The following EYS variants were observed in gnomAD, a reference collection of about 807,000 sequenced individuals.
EYS encodes the protein EGF-like photoreceptor maintenance factor.
EYS carries 250 observed loss-of-function variants against 282.1 expected under a neutral mutation model. The observed-to-expected ratio is 0.89, with a 90% CI of 0.80 to 0.98. The LOEUF (loss-of-function observed/expected upper bound fraction) is 0.98, where lower values mean the gene tolerates loss of function less well. EYS is among the 50% of genes least tolerant of loss of function. EYS has a pLI of 0.00. For missense variants in EYS, 4,016 were observed against 3,709.0 expected (o/e 1.08, Z -2.15); for synonymous variants, 1,355 against 1,282.9 (o/e 1.06, Z -1.20).
At chr6:64,778,811 T>A (rs1603248) in intron 22 of EYS, among the ~76,000 whole-genome samples, 73,172 of 151,524 alleles carry the variant, frequency 0.48, 19,493 homozygotes, top group Admixed American at 0.63. Flanking sequence ...TTAAAACCCA[T>A]CAACAACAAC....
intron 26 of EYS, among the ~76,000 whole-genome samples, chr6:64,519,887 A>C (rs1053543054): frequency 6.6e-6 from 1 of 151,842 alleles, no homozygotes; most frequent in East Asian, 1.9e-4. Flanking sequence ...AAGGGTGGAT[A>C]AATGTCTAAC....
chr6:64,811,422 A>T lies in EYS; in HGVS notation c.3443+1956T>A, dbSNP rs1227886445. ...CTGAATTCTACTGGCTTCATGCTGT[A>T]AAAAAAAAAAAAATCAGCCAAGCTA... On this transcript the variant is annotated intron_variant, in intron 22 of 42. Transcript: ENST00000503581. Among the ~76,000 whole-genome samples, 5 of 38,202 alleles carry T rather than the reference A, an allele frequency of 1.3e-4. No individual in the cohort carries two copies. In the Admixed American group the frequency reaches 2.3e-3, roughly 18 times the overall value. 25.1% of individuals were successfully genotyped at this position (38,202 alleles called of 152,430 possible).
chr6:64,050,331 GACTA>G (rs1178578128), intron 33 of EYS, among the ~76,000 whole-genome samples: 6 of 152,086 alleles, frequency 3.9e-5, no homozygotes, highest in Admixed American at 3.3e-4. Context: ...TTTTCAAAAT[GACTA>G]ACTATATACT....
rs184215686 is a variant in EYS, at chr6:64,586,113, G to A, written c.5644+4110C>T. On this transcript the variant is annotated intron_variant, in intron 26 of 42. Coordinates refer to ENST00000503581, the MANE Select transcript of EYS (RefSeq NM_001142800.2). ...TGCTGCAGTATTAAAAAGTAGGGTC[G>A]TTAGGAGGTGTTTAGACCATGAAGT... Among the ~76,000 whole-genome samples the A allele has an allele frequency of 2.3e-3, 351 of 152,122 alleles. 7 individuals carry two copies. Among genetic ancestry groups the A allele is most frequent in the Admixed American group, 0.019 (293 of 15,258 alleles).
At chr6:65,359,712 T>C (rs1385847636) in intron 8 of EYS, among the ~76,000 whole-genome samples, 1 of 152,004 alleles carries the variant, frequency 6.6e-6, no homozygotes, top group Non-Finnish European at 1.5e-5. Flanking sequence ...CAGATATTAA[T>C]AGTGGGAAAA....
At chr6:65,030,962 C>T (rs777332162) in intron 13 of EYS, among the ~76,000 whole-genome samples, 7 of 151,798 alleles carry the variant, frequency 4.6e-5, no homozygotes, top group Non-Finnish European at 8.8e-5. Flanking sequence ...GAAAATTCTA[C>T]AAGGCAAATG....
intron 22 of EYS, among the ~76,000 whole-genome samples, chr6:64,786,124 A>G (rs1387680073): frequency 6.6e-6 from 1 of 151,744 alleles, no homozygotes; most frequent in Non-Finnish European, 1.5e-5. Context: ...TTTTACAATG[A>G]GCCCATCTAG....
intron 12 of EYS, among the ~76,000 whole-genome samples, chr6:65,075,445 T>C (rs141033894): frequency 0.012 from 1,884 of 152,180 alleles, 18 homozygotes; most frequent in Middle Eastern, 0.041. Flanking sequence ...AAACAATTCA[T>C]AACAATATAG....
Position 64,590,092 on chromosome 6 carries a change from A to C in EYS, c.5644+131T>G, listed in dbSNP as rs17217966. 0.12 allele frequency: 85,054 copies of C among 736,416 alleles called. 5,435 individuals are homozygous for C. The highest frequency in any genetic ancestry group is 0.15 in the East Asian group (5,349 of 36,874). The allele number at this position is 736,416 out of a possible 1,614,324, so 45.6% of individuals were successfully genotyped here. A position where few individuals can be genotyped will look rare whatever the true frequency, so the allele number is the denominator to read the frequency against. ...CAGGTACAACAGCAGGTGCCTTCTC[A>C]ATTGAACTGGCTGCTGCCCTGATTA... On this transcript the variant is annotated intron_variant, in intron 26 of 42. Coordinates refer to ENST00000503581, the MANE Select transcript of EYS (RefSeq NM_001142800.2).
intron 12 of EYS, among the ~76,000 whole-genome samples, chr6:65,177,923 T>G (rs1257745024): frequency 1.3e-5 from 2 of 151,958 alleles, no homozygotes; most frequent in Non-Finnish European, 2.9e-5. Context: ...GAATGATTTT[T>G]TTTCTCCACA....
chr6:65,105,519 C>T (rs115936601), intron 12 of EYS, among the ~76,000 whole-genome samples: 3,296 of 151,850 alleles, frequency 0.022, 82 homozygotes, highest in African/African-American at 0.061. Flanking sequence ...AGTATTTCTT[C>T]GACCACGCAT....
intron 33 of EYS, among the ~76,000 whole-genome samples, chr6:64,038,358 AT>A (rs1325248915): frequency 6.6e-6 from 1 of 152,168 alleles, no homozygotes; most frequent in African/African-American, 2.4e-5. Context: ...GGTAATATAT[AT>A]GTTAATTAGC....
At chr6:65,133,280 A>T (rs1581939818) in intron 12 of EYS, among the ~76,000 whole-genome samples, 2 of 152,016 alleles carry the variant, frequency 1.3e-5, no homozygotes, top group African/African-American at 4.8e-5. Flanking sequence ...AAAAACAAAA[A>T]CAAAAAAAGC....
intron 28 of EYS, among the ~76,000 whole-genome samples, chr6:64,399,564 G>A (rs1165102945): frequency 1.3e-5 from 2 of 151,876 alleles, no homozygotes; most frequent in African/African-American, 2.4e-5. Flanking sequence ...CACTACAGAT[G>A]AATTATTGAA....
At chr6:65,325,008 C>T (rs1183082152) in intron 11 of EYS, among the ~76,000 whole-genome samples, 1 of 152,300 alleles carries the variant, frequency 6.6e-6, no homozygotes, top group Non-Finnish European at 1.5e-5. Context: ...GAAGAGCTTT[C>T]GGCAGACATG....
chr6:63,859,642 A>G (rs1403597598), intron 36 of EYS, among the ~76,000 whole-genome samples: 1 of 138,906 alleles, frequency 7.2e-6, no homozygotes, highest in Non-Finnish European at 1.6e-5. Flanking sequence ...CTGCCACCAG[A>G]AAAAAAAAAA....
intron 9 of EYS, among the ~76,000 whole-genome samples, chr6:65,349,265 T>C (rs952640929): frequency 9.9e-5 from 15 of 151,730 alleles, no homozygotes; most frequent in Admixed American, 7.9e-4. Flanking sequence ...ATTTAATATA[T>C]GGCAGAGCTC....
chr6:64,791,353 G>A (rs1305070026), intron 22 of EYS, among the ~76,000 whole-genome samples: 4 of 151,578 alleles, frequency 2.6e-5, no homozygotes, highest in Non-Finnish European at 4.4e-5. Context: ...TGTTCATTAA[G>A]ACCTAAAATT....
intron 5 of EYS, among the ~76,000 whole-genome samples, chr6:65,439,224 G>C (rs902696936): frequency 1.3e-5 from 2 of 152,080 alleles, no homozygotes; most frequent in African/African-American, 2.4e-5. Context: ...TCTCTGTTTT[G>C]GTAACAGTAC....
Sources: gnomAD v4.1 joint callset for allele counts (sites outside exome capture counted in the v4.1 genomes callset) on GRCh38, gnomAD v4.1.1 for gene constraint, MANE v1.5 for transcripts, NCBI Gene and HGNC (gene_info 2026-07-23, HGNC 2026-07-21) for gene names.